Variants in CSMD1 observed in about 807,000 individuals in gnomAD.
CSMD1 encodes CUB and Sushi multiple domains 1.
In CSMD1, 213 loss-of-function variants were observed where a neutral mutation model predicts 417.5. That is an observed-to-expected ratio of 0.51 (90% confidence interval 0.46 to 0.57). The LOEUF is 0.57. Among genes scored for constraint, CSMD1 ranks in the 20% least tolerant of loss-of-function variants. CSMD1 has a pLI of 0.00. For synonymous variants in CSMD1, 2,862 were observed against 1,736.8 expected (o/e 1.65, Z -16.11); for missense variants, 6,923 against 4,529.7 (o/e 1.53, Z -15.17).
At chr8:3,795,092 T>TATATCTATCATGTATAGCTATAG (rs1563086944) in intron 5 of CSMD1, among the ~76,000 whole-genome samples, 2 of 84,488 alleles carry the variant, frequency 2.4e-5, no homozygotes, top group African/African-American at 4.6e-5. Context: ...GCTATAGATA[T>TATATCTATCATGTATAGCTATAG]ATATCTATCA....
chr8:4,718,445 G>A (rs1167588804), intron 1 of CSMD1, among the ~76,000 whole-genome samples: 2 of 152,120 alleles, frequency 1.3e-5, no homozygotes, highest in Non-Finnish European at 2.9e-5. Flanking sequence ...AAGCAGGAAT[G>A]AAATCTTAGA....
At chr8:4,248,025 C>A (rs1029939993) in intron 3 of CSMD1, among the ~76,000 whole-genome samples, 2 of 152,088 alleles carry the variant, frequency 1.3e-5, no homozygotes, top group African/African-American at 4.8e-5. Context: ...ATAGATTTTT[C>A]ATTTAGAGAA....
intron 3 of CSMD1, among the ~76,000 whole-genome samples, chr8:4,048,260 C>A (rs904261557): frequency 6.6e-6 from 1 of 152,110 alleles, no homozygotes; most frequent in African/African-American, 2.4e-5. Flanking sequence ...AAAAGTGATA[C>A]CTACACATTT....
intron 5 of CSMD1, among the ~76,000 whole-genome samples, chr8:3,876,056 AC>A (rs1362829973): frequency 5.9e-5 from 9 of 152,094 alleles, no homozygotes; most frequent in African/African-American, 1.9e-4. Context: ...CATTTTAATT[AC>A]CTATTTTGAA....
At chr8:4,172,989 C>T (rs936225756) in intron 3 of CSMD1, among the ~76,000 whole-genome samples, 1 of 152,100 alleles carries the variant, frequency 6.6e-6, no homozygotes, top group African/African-American at 2.4e-5. Flanking sequence ...GATTCCTGAC[C>T]CACAGAAACC....
intron 3 of CSMD1, among the ~76,000 whole-genome samples, chr8:4,327,488 T>G (rs1799625959): frequency 6.6e-6 from 1 of 152,172 alleles, no homozygotes. Context: ...GATGAGCCAT[T>G]CTCTGTGCTG....
At chr8:3,656,910 G>A (rs980209003) in intron 7 of CSMD1, among the ~76,000 whole-genome samples, 9 of 144,170 alleles carry the variant, frequency 6.2e-5, no homozygotes, top group Middle Eastern at 3.4e-3. Flanking sequence ...GGGCAACAGA[G>A]CAAGACTCTG....
chr8:4,218,146 C>A (rs932207120), intron 3 of CSMD1, among the ~76,000 whole-genome samples: 6 of 152,214 alleles, frequency 3.9e-5, no homozygotes, highest in Non-Finnish European at 7.3e-5. Flanking sequence ...GTAACTCCTA[C>A]ATGCTGAACG....
intron 56 of CSMD1, among the ~76,000 whole-genome samples, chr8:2,974,031 AG>A (rs1804699609): frequency 6.9e-6 from 1 of 145,762 alleles, no homozygotes; most frequent in African/African-American, 2.7e-5. Context: ...ATGATGGTAG[AG>A]GATGGTGGTA....
At chr8:3,627,544 G>C (rs1030792997) in intron 7 of CSMD1, among the ~76,000 whole-genome samples, 1 of 152,032 alleles carries the variant, frequency 6.6e-6, no homozygotes. Context: ...CCTCATCATA[G>C]TACATTACTT....
intron 47 of CSMD1, among the ~76,000 whole-genome samples, chr8:3,092,335 T>A (rs1815001077): frequency 6.6e-6 from 1 of 152,152 alleles, no homozygotes; most frequent in Non-Finnish European, 1.5e-5. Context: ...TATTTAGAGA[T>A]AAATATAATA....
intron 1 of CSMD1, among the ~76,000 whole-genome samples, chr8:4,805,248 C>A (rs1188758622): frequency 6.6e-6 from 1 of 152,168 alleles, no homozygotes; most frequent in East Asian, 1.9e-4. Context: ...TGTATTGCAC[C>A]TGTCCATCTC....
intron 3 of CSMD1, among the ~76,000 whole-genome samples, chr8:4,038,201 TC>T (rs1375193311): frequency 5.9e-5 from 9 of 152,158 alleles, no homozygotes; most frequent in Non-Finnish European, 1.2e-4. Flanking sequence ...CAACAAATTT[TC>T]TTTTTAAAAA....
chr8:3,903,928 G>C (rs754828384), intron 5 of CSMD1, among the ~76,000 whole-genome samples: 1 of 151,806 alleles, frequency 6.6e-6, no homozygotes, highest in Non-Finnish European at 1.5e-5. Context: ...GTACCTCTTT[G>C]GTTCACTATT....
intron 7 of CSMD1, among the ~76,000 whole-genome samples, chr8:3,617,188 C>G (rs916930724): frequency 1.3e-5 from 2 of 152,138 alleles, no homozygotes; most frequent in African/African-American, 4.8e-5. Flanking sequence ...TAGATGACAA[C>G]AGAGATGATA....
chr8:3,530,176 A>C (rs1410253115), intron 10 of CSMD1, among the ~76,000 whole-genome samples: 1 of 152,040 alleles, frequency 6.6e-6, no homozygotes, highest in Non-Finnish European at 1.5e-5. Context: ...CTCTCCTCCA[A>C]TCTTTATTAA....
chr8:4,914,187 G>C (rs756332869), intron 1 of CSMD1, among the ~76,000 whole-genome samples: 2 of 152,184 alleles, frequency 1.3e-5, no homozygotes, highest in Non-Finnish European at 2.9e-5. Context: ...GGAGTCATGA[G>C]ACTCTATAGT....
chr8:4,795,362 C>T (rs773938353), intron 1 of CSMD1, among the ~76,000 whole-genome samples: 5 of 141,626 alleles, frequency 3.5e-5, no homozygotes, highest in Non-Finnish European at 6.0e-5. Flanking sequence ...AGCTCCGCCT[C>T]CCAGGTTCAA....
intron 3 of CSMD1, among the ~76,000 whole-genome samples, chr8:4,392,254 G>T (rs993543375): frequency 1.1e-4 from 16 of 152,164 alleles, no homozygotes; most frequent in African/African-American, 3.9e-4. Flanking sequence ...GATATAAACT[G>T]AAGAGTTATT....
Sources: allele counts gnomAD v4.1 joint callset (sites outside exome capture counted in the v4.1 genomes callset), GRCh38; gene constraint gnomAD v4.1.1; transcripts MANE v1.5; gene names NCBI Gene and HGNC (gene_info 2026-07-23, HGNC 2026-07-21).